The following RAB38 variants were observed in gnomAD, a reference collection of about 807,000 sequenced individuals.
The protein encoded by RAB38 is ras-related protein Rab-38.
RAB38 carries 15 observed loss-of-function variants against 18.4 expected under a neutral mutation model. The ratio of observed to expected loss-of-function variants is 0.82; its 90% CI spans 0.55 to 1.26. The LOEUF is 1.26. Among genes scored for constraint, RAB38 ranks in the 50% most tolerant of loss-of-function variants. The pLI is 0.00. For synonymous variants in RAB38, 101 were observed against 104.4 expected, an observed-to-expected ratio of 0.97 and a Z score of 0.20; for missense variants, 294 against 267.4, an observed-to-expected ratio of 1.10 and a Z score of -0.69.
At chr11:87,843,445 C>A in the RAB38 span, among the ~76,000 whole-genome samples, 1 of 152,152 alleles carries the variant, frequency 6.6e-6, no homozygotes, top group African/African-American at 2.4e-5. Context: ...TGCAGAGTTA[C>A]CTATAAATTA....
the RAB38 span, among the ~76,000 whole-genome samples, chr11:88,072,120 C>A: frequency 1.3e-5 from 2 of 152,122 alleles, no homozygotes; most frequent in Non-Finnish European, 2.9e-5. Flanking sequence ...CAGAAATCAG[C>A]AATGATTCAT....
At chr11:88,037,007 T>G in the RAB38 span, among the ~76,000 whole-genome samples, 2 of 152,018 alleles carry the variant, frequency 1.3e-5, no homozygotes, top group Admixed American at 6.6e-5. Context: ...TATTTCAAAC[T>G]TTTTCTTATT....
At chr11:88,025,857 G>A in the RAB38 span, among the ~76,000 whole-genome samples, 34 of 152,082 alleles carry the variant, frequency 2.2e-4, no homozygotes, top group Non-Finnish European at 3.7e-4. Context: ...ATTTTGCTGT[G>A]TGGAAGCTCT....
At chr11:88,122,729 T>C (rs1942645951) in intron 2 of RAB38, among the ~76,000 whole-genome samples, 1 of 152,240 alleles carries the variant, frequency 6.6e-6, no homozygotes, top group South Asian at 2.1e-4. Flanking sequence ...ACTCAAAGTG[T>C]TATTTATTGA....
the RAB38 span, among the ~76,000 whole-genome samples, chr11:87,969,552 A>G: frequency 3.9e-5 from 6 of 152,130 alleles, no homozygotes; most frequent in African/African-American, 1.4e-4. Flanking sequence ...TAATTTAACT[A>G]CTATTATTCA....
At chr11:88,168,477 C>T (rs1241357010) in intron 1 of RAB38, among the ~76,000 whole-genome samples, 2 of 152,066 alleles carry the variant, frequency 1.3e-5, no homozygotes, top group African/African-American at 4.8e-5. Flanking sequence ...ACTTTCCCAT[C>T]AGATCACTTT....
intron 2 of RAB38, among the ~76,000 whole-genome samples, chr11:88,141,334 C>G (rs1942910152): frequency 6.6e-6 from 1 of 152,110 alleles, no homozygotes; most frequent in Non-Finnish European, 1.5e-5. Context: ...TGCTACTGAT[C>G]TTAAGTGGGT....
At chr11:87,926,170 C>G in the RAB38 span, among the ~76,000 whole-genome samples, 1 of 151,910 alleles carries the variant, frequency 6.6e-6, no homozygotes, top group Non-Finnish European at 1.5e-5. Context: ...CGCCACTACC[C>G]TCTTTGACTG....
At chr11:87,939,764 C>T in the RAB38 span, among the ~76,000 whole-genome samples, 22 of 152,030 alleles carry the variant, frequency 1.4e-4, no homozygotes, top group East Asian at 1.2e-3. Flanking sequence ...TGGTGGCTCA[C>T]GCCTGTATTC....
the RAB38 span, among the ~76,000 whole-genome samples, chr11:87,933,051 A>G: frequency 6.6e-6 from 1 of 152,108 alleles, no homozygotes; most frequent in African/African-American, 2.4e-5. Flanking sequence ...ACCACCCACA[A>G]TATCACGTAT....
chr11:88,067,215 A>G, the RAB38 span, among the ~76,000 whole-genome samples: 2 of 152,226 alleles, frequency 1.3e-5, no homozygotes, highest in African/African-American at 4.8e-5. Flanking sequence ...AGATTAGAAT[A>G]TTTAAGTTAA....
chr11:88,105,090 C>A, the RAB38 span, among the ~76,000 whole-genome samples: 2 of 152,020 alleles, frequency 1.3e-5, no homozygotes, highest in South Asian at 2.1e-4. Context: ...TATGGAAACA[C>A]ACTCTGATTA....
At chr11:88,124,447 T>A (rs2134784109) in intron 2 of RAB38, among the ~76,000 whole-genome samples, 1 of 152,038 alleles carries the variant, frequency 6.6e-6, no homozygotes, top group East Asian at 1.9e-4. Flanking sequence ...AACAACCCCA[T>A]CAATAAGTGG....
At chr11:88,102,259 C>T in the RAB38 span, among the ~76,000 whole-genome samples, 1 of 151,970 alleles carries the variant, frequency 6.6e-6, no homozygotes, top group Middle Eastern at 3.4e-3. Flanking sequence ...AATGTTTTTT[C>T]CTCTATCCTA....
chr11:87,899,845 T>C, the RAB38 span, among the ~76,000 whole-genome samples: 1 of 151,666 alleles, frequency 6.6e-6, no homozygotes, highest in Non-Finnish European at 1.5e-5. Context: ...TTTCTTCTTA[T>C]AGAAACAGTG....
At chr11:87,942,816 T>C in the RAB38 span, among the ~76,000 whole-genome samples, 2 of 152,176 alleles carry the variant, frequency 1.3e-5, no homozygotes, top group Non-Finnish European at 2.9e-5. Flanking sequence ...GTGTGAAGTA[T>C]GTCCTCCAGA....
At chr11:87,847,727 T>C in the RAB38 span, among the ~76,000 whole-genome samples, 2 of 152,034 alleles carry the variant, frequency 1.3e-5, no homozygotes, top group Non-Finnish European at 2.9e-5. Context: ...TTCTTCTTTC[T>C]TGTTATGACG....
At chr11:88,011,345 A>G in the RAB38 span, among the ~76,000 whole-genome samples, 1 of 152,232 alleles carries the variant, frequency 6.6e-6, no homozygotes, top group Non-Finnish European at 1.5e-5. Context: ...TTATAGTCTC[A>G]TTTAATCTAA....
chr11:87,839,081 G>C, the RAB38 span, among the ~76,000 whole-genome samples: 1 of 152,158 alleles, frequency 6.6e-6, no homozygotes, highest in African/African-American at 2.4e-5. Context: ...TGTTAGACTG[G>C]AGTAATTTTA....
Sources: gnomAD v4.1 joint callset for allele counts (sites outside exome capture counted in the v4.1 genomes callset) on GRCh38, gnomAD v4.1.1 for gene constraint, MANE v1.5 for transcripts, NCBI Gene and HGNC (gene_info 2026-07-23, HGNC 2026-07-21) for gene names.